Variants in PTPRQ observed in about 807,000 individuals in gnomAD.
PTPRQ encodes phosphatidylinositol phosphatase PTPRQ.
PTPRQ carries 199 observed loss-of-function variants against 246.0 expected under a neutral mutation model. The ratio of observed to expected loss-of-function variants is 0.81; its 90% CI spans 0.72 to 0.91. PTPRQ has a LOEUF of 0.91. Among genes scored for constraint, PTPRQ ranks in the 40% least tolerant of loss-of-function variants. The pLI is 0.00. For missense variants in PTPRQ, 2,624 were observed against 2,528.4 expected (o/e 1.04, Z -0.81); for synonymous variants, 869 against 853.2 (o/e 1.02, Z -0.32).
intron 17 of PTPRQ, among the ~76,000 whole-genome samples, chr12:80,529,559 G>A (rs4508262): frequency 0.53 from 80,690 of 151,892 alleles, 24,186 homozygotes; most frequent in Non-Finnish European, 0.67. Flanking sequence ...CATAGGCCTA[G>A]CATGGACTTG....
intron 25 of PTPRQ, 64 bp downstream of exon 25, chr12:80,549,798 C>T: frequency 6.8e-7 from 1 of 1,468,390 alleles, no homozygotes; most frequent in Non-Finnish European, 9.0e-7. Flanking sequence ...GTGTCAATAC[C>T]ACCTGCAATC....
chr12:80,643,516 G>T (rs1899965277), intron 35 of PTPRQ, among the ~76,000 whole-genome samples: 1 of 151,886 alleles, frequency 6.6e-6, no homozygotes, highest in Admixed American at 6.6e-5. Context: ...CAGCTGTATA[G>T]GACCAACCAT....
At chr12:80,588,616 A>C (rs1897694449) in intron 26 of PTPRQ, among the ~76,000 whole-genome samples, 164 bp downstream of exon 26, 1 of 152,208 alleles carries the variant, frequency 6.6e-6, no homozygotes, top group Admixed American at 6.5e-5. Context: ...TTTAGTTGAA[A>C]CCCAATGAGA....
At chr12:80,512,289 C>G (rs1395320920) in intron 17 of PTPRQ, among the ~76,000 whole-genome samples, 2 of 152,206 alleles carry the variant, frequency 1.3e-5, no homozygotes, top group Non-Finnish European at 1.5e-5. Context: ...ATACAGTGAT[C>G]ATGCTTCCCT....
At chr12:80,562,247 G>T (rs1896849524) in intron 25 of PTPRQ, among the ~76,000 whole-genome samples, 1 of 152,058 alleles carries the variant, frequency 6.6e-6, no homozygotes, top group Non-Finnish European at 1.5e-5. Context: ...CTGGTCAGTA[G>T]TTTGCTTTTT....
intron 24 of PTPRQ, among the ~76,000 whole-genome samples, 175 bp from the exon 25 acceptor site, chr12:80,549,290 A>G (rs1161435213): frequency 1.3e-5 from 2 of 152,170 alleles, no homozygotes; most frequent in African/African-American, 2.4e-5. Context: ...AAAGCAAGTC[A>G]ACAGCCTTTT....
At position 80,535,845 on chromosome 12, in the gene PTPRQ, C is replaced by A. The variant is rs1271438113; in HGVS notation, c.2985+808C>A. ...AAACACGGCCGGGCGTGGTGGCTCA[C>A]GCCTGTAATCCCAGCACTTTGGGAG... On this transcript the variant is annotated intron_variant, in intron 19 of 44. Coordinates refer to ENST00000644991, the MANE Select transcript of PTPRQ (RefSeq NM_001145026.2). 2.0e-5 allele frequency among the ~76,000 whole-genome samples: 3 copies of A among 152,198 alleles called. No individual in the cohort carries two copies. In the East Asian group the frequency reaches 5.8e-4, roughly 29 times the overall value.
Position 80,542,839 on chromosome 12 carries a change from T to G in PTPRQ, c.3831T>G (p.Ser1277Arg). Residue 1277 changes from serine to arginine, a missense_variant, in exon 23 of 45, where the codon AGT (serine) becomes AGG (arginine). By Grantham distance (110) the Ser-to-Arg change is moderately radical. Coordinates refer to ENST00000644991, the MANE Select transcript of PTPRQ (RefSeq NM_001145026.2). ...CAGGTGGTATTGTTAAAGTATATAG[T>G]TTTAAAATTCATGAACATGAAACTG... ...PLPGGIVKVYSFKIHEHETDT... is the reference protein window; with the variant it reads ...PLPGGIVKVYRFKIHEHETDT... 2 of 1,541,854 alleles carry G rather than the reference T, an allele frequency of 1.3e-6. No homozygotes were observed. Among genetic ancestry groups the G allele is most frequent in the Non-Finnish European group, 1.7e-6 (2 of 1,143,048 alleles).
rs1894565082 is a variant in PTPRQ, at chr12:80,494,958, T to C, written c.1566T>C (p.Thr522=). The C allele has an allele frequency of 6.5e-7, 1 of 1,549,840 alleles. No individual in the cohort carries two copies. The highest frequency in any genetic ancestry group is 2.0e-5 in the Admixed American group (1 of 50,878). Residue 522 remains threonine (T), a synonymous_variant, in exon 11 of 45, where the codon ACT becomes ACC. Transcript: ENST00000644991. ...PVVTTRNQYI[T]DIAAEQLSYV... Reference sequence around the variant, plus strand: ...TAACTACAAGGAATCAGTATATTACTGACATTGCAGCTGAACAGCTGTCTT... The same window carrying C: ...TAACTACAAGGAATCAGTATATTACCGACATTGCAGCTGAACAGCTGTCTT...
chr12:80,448,017 A>C (rs1292282866), intron 3 of PTPRQ, among the ~76,000 whole-genome samples: 1 of 152,090 alleles, frequency 6.6e-6, no homozygotes, highest in African/African-American at 2.4e-5. Context: ...CTTCCAATCC[A>C]AGAGCATGGA....
chr12:80,499,036 T>G (rs1894715168), intron 14 of PTPRQ, among the ~76,000 whole-genome samples: 1 of 152,066 alleles, frequency 6.6e-6, no homozygotes, highest in South Asian at 2.1e-4. Flanking sequence ...TTAGAAAACA[T>G]GCAGAGCCCT....
At position 80,459,415 on chromosome 12, in the gene PTPRQ, G is replaced by A; in HGVS notation, c.592G>A (p.Gly198Arg). ...GATTAGTGTCAAGCATGCCAGAAGT[G>A]GGATAGTAGTGAAAGATGTCTCAAT... ...FKISVKHARS[G>R]IVVKDVSIRV... Residue 198 changes from glycine (G) to arginine (R), a missense_variant, in exon 5 of 45, where the codon GGG (glycine) becomes AGG (arginine). By Grantham distance (125) the Gly-to-Arg change is moderately radical. Coordinates refer to ENST00000644991, the MANE Select transcript of PTPRQ (RefSeq NM_001145026.2). 1 of 398,394 alleles carries A rather than the reference G, an allele frequency of 2.5e-6. No individual in the cohort carries two copies. Among genetic ancestry groups the A allele is most frequent in the Non-Finnish European group, 4.4e-6 (1 of 225,976 alleles). The allele number at this position is 398,394 out of a possible 1,614,324, so 24.7% of individuals were successfully genotyped here.
At chr12:80,678,119 G>A (rs1225696206) in intron 43 of PTPRQ, among the ~76,000 whole-genome samples, 2 of 152,042 alleles carry the variant, frequency 1.3e-5, no homozygotes, top group East Asian at 3.9e-4. Flanking sequence ...TCTTAAGCAG[G>A]CCACATATCC....
At chr12:80,553,176 A>G (rs1470328292) in intron 25 of PTPRQ, among the ~76,000 whole-genome samples, 2 of 152,120 alleles carry the variant, frequency 1.3e-5, no homozygotes, top group African/African-American at 2.4e-5. Context: ...CCACATTCCC[A>G]TCAGGCAAAA....
At chr12:80,540,471 G>A (rs1327303233) in intron 20 of PTPRQ, among the ~76,000 whole-genome samples, 3 of 151,958 alleles carry the variant, frequency 2.0e-5, no homozygotes, top group Non-Finnish European at 4.4e-5. Context: ...AGATCTTGAT[G>A]TTTTTTATGT....
At chr12:80,536,604 G>A (rs1895995933) in intron 19 of PTPRQ, among the ~76,000 whole-genome samples, 1 of 152,210 alleles carries the variant, frequency 6.6e-6, no homozygotes, top group Admixed American at 6.5e-5. Flanking sequence ...AGTTACAGAT[G>A]TAATCGTAAA....
chr12:80,468,679 G>C, intron 6 of PTPRQ, 31 bp from the exon 7 acceptor site: 1 of 1,501,702 alleles, frequency 6.7e-7, no homozygotes, highest in Non-Finnish European at 8.9e-7. Flanking sequence ...TTAAATATAT[G>C]TTATGTATTT....
intron 2 of PTPRQ, among the ~76,000 whole-genome samples, chr12:80,445,285 G>A (rs897494945): frequency 6.6e-6 from 1 of 151,806 alleles, no homozygotes; most frequent in African/African-American, 2.4e-5. Context: ...TTATTTAGTA[G>A]CATTCCATTT....
intron 3 of PTPRQ, among the ~76,000 whole-genome samples, chr12:80,455,690 A>G (rs1352649596): frequency 1.3e-5 from 2 of 150,794 alleles, no homozygotes; most frequent in Non-Finnish European, 2.9e-5. Flanking sequence ...TCCCAGGTTC[A>G]CGCCATTCTC....
Sources: gnomAD v4.1 joint callset for allele counts (sites outside exome capture counted in the v4.1 genomes callset) on GRCh38, gnomAD v4.1.1 for gene constraint, MANE v1.5 for transcripts, NCBI Gene and HGNC (gene_info 2026-07-23, HGNC 2026-07-21) for gene names.